The following SGTA variants were observed in gnomAD, a reference collection of about 807,000 sequenced individuals.
SGTA encodes small glutamine-rich tetratricopeptide repeat-containing protein alpha.
A neutral mutation model predicts 44.3 loss-of-function variants in SGTA; 22 were observed. The observed-to-expected ratio is 0.50, with a 90% CI of 0.36 to 0.71. The LOEUF is 0.71. SGTA is among the 30% of genes least tolerant of loss of function. The pLI is 0.00. For synonymous variants in SGTA, 174 were observed against 177.6 expected, an observed-to-expected ratio of 0.98 and a Z score of 0.16; for missense variants, 341 against 435.9, an observed-to-expected ratio of 0.78 and a Z score of 1.94.
At position 2,765,248 on chromosome 19, in the gene SGTA, G is replaced by A. The variant is rs766933580; in HGVS notation, c.330C>T (p.Ala110=). The A allele has an allele frequency of 8.1e-6, 13 of 1,613,890 alleles. No homozygotes were observed. Among genetic ancestry groups the A allele is most frequent in the South Asian group, 5.5e-5 (5 of 91,086 alleles). Residue 110 remains alanine (A), a synonymous_variant, in exon 5 of 12, where the codon GCC becomes GCT. Transcript: ENST00000221566. The surrounding 1 kb of genome is among the most constrained non-coding windows in gnomAD (Gnocchi z 5.5). ...CGATGGCTTTTCCGTAGAAATGCAC[G>A]GCAGCTTCAAAGTTTTCCACTTTCA... The part of the protein sequence containing the change: ...EQMKVENFEA[A]VHFYGKAIEL...
chr19:2,758,928 C>T (rs895972409), intron 9 of SGTA, among the ~76,000 whole-genome samples: 8 of 152,044 alleles, frequency 5.3e-5, no homozygotes, highest in African/African-American at 1.7e-4. Flanking sequence ...ATGTCCAGGA[C>T]AGGCCCATCC....
chr19:2,767,684 C>A lies in SGTA; in HGVS notation c.103G>T (p.Ala35Ser). ...SSDAQESLEV[A>S]IQCLETAFGV... ...AACGCAGTCTCCAGGCACTGGATGG[C>A]GACTGAAGCGGGGACAGAGGCGGTC... The change falls in exon 3 of 12, where the codon GCC (alanine) becomes TCC (serine). Residue 35 changes from alanine to serine, a missense_variant and splice_region_variant. Coordinates refer to ENST00000221566, the MANE Select transcript of SGTA (RefSeq NM_003021.4). This position sits in a 1 kb window ranked among gnomAD's most constrained non-coding sequence, Gnocchi z 7.3. 1 of 1,612,018 alleles carries A rather than the reference C, an allele frequency of 6.2e-7. No homozygotes were observed. Among genetic ancestry groups the A allele is most frequent in the Non-Finnish European group, 8.5e-7 (1 of 1,178,438 alleles).
chr19:2,759,337 C>T lies in SGTA; in HGVS notation c.700-43G>A, dbSNP rs73516484. ...TTTGTCAGGAAGACAAAGCTCCCAG[C>T]GCATCATTCTCTTTCATCAGACACT... On this transcript the variant is annotated intron_variant, in intron 8 of 11. Coordinates refer to ENST00000221566, the MANE Select transcript of SGTA (RefSeq NM_003021.4). The T allele has an allele frequency of 5.7e-3, 9,010 of 1,582,756 alleles. 411 individuals carry two copies. The African/African-American group carries it at 0.1, about 18-fold the overall frequency.
chr19:2,767,740 T>C lies in SGTA; in HGVS notation c.101-54A>G. 1 of 1,427,670 alleles carries C rather than the reference T, an allele frequency of 7.0e-7. No individual in the cohort carries two copies. Among genetic ancestry groups the C allele is most frequent in the South Asian group, 1.2e-5 (1 of 86,762 alleles). 88.4% of individuals were successfully genotyped at this position (1,427,670 alleles called of 1,614,324 possible). On this transcript the variant is annotated intron_variant, in intron 2 of 11. Coordinates refer to ENST00000221566, the MANE Select transcript of SGTA (RefSeq NM_003021.4). The surrounding 1 kb of genome is among the most constrained non-coding windows in gnomAD (Gnocchi z 7.3). ...CATTGCACGCAGCCCCGAGGTTACG[T>C]TTTTGGGTCTAGAGGGCGGGGTTGG...
At chr19:2,759,689 G>A (rs374438711) in intron 8 of SGTA, 30 of 211,214 alleles carry the variant, frequency 1.4e-4, no homozygotes, top group Middle Eastern at 2.1e-3. Flanking sequence ...GGCTGGGCGC[G>A]GTGGTTCACG....
At position 2,765,068 on chromosome 19, in the gene SGTA, T is replaced by C; in HGVS notation, c.392+118A>G. ...CTCGCTCCTGGTCTGAGACCACCGG[T>C]GAATGGATCCCTCATCTACAGCGCA... is the stretch of plus-strand genomic sequence containing the variant. On this transcript the variant is annotated intron_variant, in intron 5 of 11. Transcript: ENST00000221566. The surrounding 1 kb of genome is among the most constrained non-coding windows in gnomAD (Gnocchi z 5.5). 2.9e-6 allele frequency: 2 copies of C among 700,956 alleles called. No homozygotes were observed. The highest frequency in any genetic ancestry group is 5.0e-6 in the Non-Finnish European group (2 of 396,876). The allele number at this position is 700,956 out of a possible 1,614,324, so 43.4% of individuals were successfully genotyped here.
intron 8 of SGTA, 74 bp from the exon 9 acceptor site, chr19:2,759,368 T>A: frequency 7.0e-7 from 1 of 1,427,872 alleles, no homozygotes; most frequent in Non-Finnish European, 9.9e-7. Flanking sequence ...ACACTTTCCA[T>A]CTTAACCAGC....
At position 2,765,317 on chromosome 19, in the gene SGTA, G is replaced by A; in HGVS notation, c.293-32C>T. On this transcript the variant is annotated intron_variant, in intron 4 of 11. Transcript: ENST00000221566. This position sits in a 1 kb window ranked among gnomAD's most constrained non-coding sequence, Gnocchi z 5.5. ...GGAGAGAGGAAAACACCGGCCCGGTGTCCACACAGACCGGAGGGGGTGTCA... is the reference window on the plus strand; with the variant it reads ...GGAGAGAGGAAAACACCGGCCCGGTATCCACACAGACCGGAGGGGGTGTCA... 1.3e-6 allele frequency: 2 copies of A among 1,529,796 alleles called. No homozygotes were observed. The highest frequency in any genetic ancestry group is 1.8e-6 in the Non-Finnish European group (2 of 1,106,368). 94.8% of individuals were successfully genotyped at this position (1,529,796 alleles called of 1,614,324 possible). A position where few individuals can be genotyped will look rare whatever the true frequency, so the allele number is the denominator to read the frequency against.
Position 2,761,851 on chromosome 19 carries a change from G to A in SGTA, c.637-329C>T, listed in dbSNP as rs926700853. ...TATTCCCCGCACAGCGCGACCGCCC[G>A]GGGACGGCACAGTCTATCATCCCGT... On this transcript the variant is annotated intron_variant, in intron 7 of 11. Coordinates refer to ENST00000221566, the MANE Select transcript of SGTA (RefSeq NM_003021.4). The surrounding 1 kb of genome is among the most constrained non-coding windows in gnomAD (Gnocchi z 5.7). Among the ~76,000 whole-genome samples, 7 of 146,834 alleles carry A rather than the reference G, an allele frequency of 4.8e-5. No homozygotes were observed. Among genetic ancestry groups the A allele is most frequent in the Non-Finnish European group, 6.0e-5 (4 of 66,918 alleles).
chr19:2,757,684 T>C lies in SGTA; in HGVS notation c.827+9A>G, dbSNP rs1177220154. ...CGTCCTCCGTCCTCTTGGAAGCAGT[T>C]CCACTCACGCCTGGATGAGGCTGGC... On this transcript the variant is annotated intron_variant, in intron 10 of 11. Coordinates refer to ENST00000221566, the MANE Select transcript of SGTA (RefSeq NM_003021.4). 4 of 1,557,044 alleles carry C rather than the reference T, an allele frequency of 2.6e-6. No homozygotes were observed. The Admixed American group carries it at 5.9e-5, about 23-fold the overall frequency.
intron 1 of SGTA, among the ~76,000 whole-genome samples, chr19:2,774,498 TA>T (rs1394274274): frequency 6.6e-6 from 1 of 152,168 alleles, no homozygotes; most frequent in African/African-American, 2.4e-5. Context: ...ATTTTAACTT[TA>T]AGTGCACAGA....
chr19:2,773,070 C>G (rs1409350451), intron 1 of SGTA, among the ~76,000 whole-genome samples: 2 of 14,324 alleles, frequency 1.4e-4, no homozygotes, highest in Non-Finnish European at 1.1e-4. Context: ...CGCGGCCACA[C>G]GGCAGGGACA....
intron 11 of SGTA, among the ~76,000 whole-genome samples, chr19:2,756,705 G>A (rs1239645461): frequency 6.6e-6 from 1 of 151,780 alleles, no homozygotes; most frequent in Non-Finnish European, 1.5e-5. Flanking sequence ...CCACCCCTGG[G>A]AAGCCGGTGT....
At chr19:2,760,532 A>AC (rs1568307592) in intron 8 of SGTA, among the ~76,000 whole-genome samples, 1 of 151,360 alleles carries the variant, frequency 6.6e-6, no homozygotes, top group Non-Finnish European at 1.5e-5. Flanking sequence ...AAAAAAAAAA[A>AC]AAAAAAAACC....
Position 2,767,231 on chromosome 19 carries a change from A to G in SGTA, c.208-11T>C. The G allele has an allele frequency of 6.2e-7, 1 of 1,601,648 alleles. No homozygotes were observed. The highest frequency in any genetic ancestry group is 8.5e-7 in the Non-Finnish European group (1 of 1,174,214). On this transcript the variant is annotated splice_polypyrimidine_tract_variant and intron_variant, in intron 3 of 11. Transcript: ENST00000221566. This position sits in a 1 kb window ranked among gnomAD's most constrained non-coding sequence, Gnocchi z 7.3. ...GTCCTGCGGCATCTCCTGGACCCGG[A>G]GGCAAAGGCGGCCCGCTGTCCTCTC...
intron 1 of SGTA, among the ~76,000 whole-genome samples, chr19:2,775,453 G>A (rs1196161262): frequency 6.6e-6 from 1 of 152,228 alleles, no homozygotes; most frequent in South Asian, 2.1e-4. Flanking sequence ...GGACCTCCAC[G>A]CCACTAAACA....
At chr19:2,776,919 A>T (rs575999624) in intron 1 of SGTA, among the ~76,000 whole-genome samples, 1 of 148,260 alleles carries the variant, frequency 6.7e-6, no homozygotes, top group African/African-American at 2.5e-5. Context: ...GCTGCGATAG[A>T]GCCACTGCAC....
At chr19:2,769,330 C>T (rs1599503327) in intron 1 of SGTA, among the ~76,000 whole-genome samples, 1 of 152,324 alleles carries the variant, frequency 6.6e-6, no homozygotes, top group East Asian at 1.9e-4. Flanking sequence ...CAAGCAGGGC[C>T]TGCCCTAGAG....
At chr19:2,783,069 G>A (rs1181953914) in intron 1 of SGTA, among the ~76,000 whole-genome samples, 164 bp downstream of exon 1, 5 of 152,228 alleles carry the variant, frequency 3.3e-5, no homozygotes, top group African/African-American at 1.2e-4. Flanking sequence ...CTGCCCGATG[G>A]CGCCCGGCCT....
Sources: allele counts gnomAD v4.1 joint callset (sites outside exome capture counted in the v4.1 genomes callset), GRCh38; gene constraint gnomAD v4.1.1; non-coding constraint Gnocchi (gnomAD v3.1); transcripts MANE v1.5; gene names NCBI Gene and HGNC (gene_info 2026-07-23, HGNC 2026-07-21).